Variants in SLC39A11 observed in about 807,000 individuals in gnomAD.
SLC39A11 encodes the protein solute carrier family 39 member 11.
In SLC39A11, 33 loss-of-function variants were observed where a neutral mutation model predicts 36.1. The ratio of observed to expected loss-of-function variants is 0.91; its 90% CI spans 0.69 to 1.22. The LOEUF (loss-of-function observed/expected upper bound fraction) is 1.22, where lower values mean the gene tolerates loss of function less well. Ranked by LOEUF, SLC39A11 falls within the 50% of genes most tolerant of loss-of-function variation. SLC39A11 has a pLI of 0.00. For missense variants in SLC39A11, 432 were observed against 430.3 expected, an observed-to-expected ratio of 1.00 and a Z score of -0.03; for synonymous variants, 166 against 170.3, an observed-to-expected ratio of 0.97 and a Z score of 0.20.
chr17:72,734,324 C>T (rs754684406), intron 7 of SLC39A11, among the ~76,000 whole-genome samples: 9 of 152,200 alleles, frequency 5.9e-5, no homozygotes, highest in South Asian at 2.1e-4. Context: ...GTTCTTCCCT[C>T]GTTCCTTCTC....
At chr17:72,729,013 C>T (rs1239479209) in intron 7 of SLC39A11, among the ~76,000 whole-genome samples, 2 of 152,150 alleles carry the variant, frequency 1.3e-5, no homozygotes, top group African/African-American at 4.8e-5. Flanking sequence ...GCTGCTAAAA[C>T]ACACAGCAGT....
At chr17:72,958,738 C>T (rs1317575627) in intron 4 of SLC39A11, among the ~76,000 whole-genome samples, 4 of 151,984 alleles carry the variant, frequency 2.6e-5, no homozygotes, top group Non-Finnish European at 5.9e-5. Flanking sequence ...GTAACCTCAG[C>T]TACTCGGGAG....
At chr17:72,841,343 C>T (rs1370674169) in intron 6 of SLC39A11, among the ~76,000 whole-genome samples, 2 of 152,298 alleles carry the variant, frequency 1.3e-5, no homozygotes, top group East Asian at 3.9e-4. Context: ...GGTACATACA[C>T]ACAATGGCGT....
chr17:72,882,395 T>C (rs1261211871), intron 5 of SLC39A11, among the ~76,000 whole-genome samples: 2 of 151,104 alleles, frequency 1.3e-5, no homozygotes, highest in Admixed American at 6.6e-5. Context: ...CTTTCAACTT[T>C]CTTTAGGAGA....
intron 7 of SLC39A11, among the ~76,000 whole-genome samples, chr17:72,667,783 A>G (rs1442975095): frequency 6.6e-6 from 1 of 152,252 alleles, no homozygotes; most frequent in African/African-American, 2.4e-5. Flanking sequence ...AATGCTAAGC[A>G]CTGTTCATGC....
At chr17:72,865,331 GA>G (rs1015610127) in intron 5 of SLC39A11, among the ~76,000 whole-genome samples, 23 of 138,404 alleles carry the variant, frequency 1.7e-4, no homozygotes, top group South Asian at 2.5e-4. Context: ...GAAATAGGGG[GA>G]AAAAATTATG....
At chr17:72,834,890 T>C (rs1176695892) in intron 6 of SLC39A11, among the ~76,000 whole-genome samples, 2 of 152,266 alleles carry the variant, frequency 1.3e-5, no homozygotes, top group Non-Finnish European at 2.9e-5. Context: ...TCACTCTGGC[T>C]GTAGCTTCCT....
At chr17:72,722,835 T>C (rs2567479) in intron 7 of SLC39A11, among the ~76,000 whole-genome samples, 128,780 of 151,914 alleles carry the variant, frequency 0.85, 55,098 homozygotes, top group African/African-American at 0.96. Context: ...AGGGTTTTAC[T>C]GTGTTTGCCA....
At chr17:72,714,799 G>A (rs2073276556) in intron 7 of SLC39A11, among the ~76,000 whole-genome samples, 1 of 152,204 alleles carries the variant, frequency 6.6e-6, no homozygotes. Flanking sequence ...TTCACCTCCT[G>A]TGGACTGCCC....
intron 6 of SLC39A11, among the ~76,000 whole-genome samples, chr17:72,743,134 T>C (rs1394174505): frequency 2.6e-5 from 4 of 152,142 alleles, no homozygotes; most frequent in Admixed American, 6.6e-5. Flanking sequence ...TTTGGGAGAT[T>C]GGGGAAGGGA....
At chr17:72,853,203 T>C in intron 5 of SLC39A11, among the ~76,000 whole-genome samples, 1 of 129,160 alleles carries the variant, frequency 7.7e-6, no homozygotes, top group Admixed American at 8.2e-5. Flanking sequence ...TTTTTTTTTT[T>C]TTTCAGTAGA....
intron 5 of SLC39A11, among the ~76,000 whole-genome samples, chr17:72,873,724 T>C (rs1289062444): frequency 6.6e-6 from 1 of 152,194 alleles, no homozygotes; most frequent in Non-Finnish European, 1.5e-5. Flanking sequence ...TGGAATATAT[T>C]CTGCCTTCCT....
intron 7 of SLC39A11, among the ~76,000 whole-genome samples, chr17:72,674,270 C>A (rs4793473): frequency 1.3e-5 from 2 of 151,988 alleles, no homozygotes; most frequent in East Asian, 3.9e-4. Context: ...TATCTCCTTC[C>A]TTTTTACATC....
In SLC39A11 at chr17:72,751,192, G is replaced by A. The variant is rs187434474; in HGVS notation, c.602-14473C>T. 1.6e-4 allele frequency among the ~76,000 whole-genome samples: 25 copies of A among 152,296 alleles called. No individual in the cohort carries two copies. In the East Asian group the frequency reaches 4.8e-3, roughly 29 times the overall value. On this transcript the variant is annotated intron_variant, in intron 6 of 9. Coordinates refer to ENST00000255559, the MANE Select transcript of SLC39A11 (RefSeq NM_139177.4). ...GAGCCCAGAAGGCAGAGGCTGCAGTGAGCCAAGATCACACCACTGTACTCC... is the reference window on the plus strand; with the variant it reads ...GAGCCCAGAAGGCAGAGGCTGCAGTAAGCCAAGATCACACCACTGTACTCC...
At chr17:72,780,551 T>G in intron 6 of SLC39A11, among the ~76,000 whole-genome samples, 1 of 149,480 alleles carries the variant, frequency 6.7e-6, no homozygotes, top group Non-Finnish European at 1.5e-5. Flanking sequence ...ACTGTGTGTC[T>G]GCTTTGTTAT....
rs997850580 is a variant in SLC39A11 at position 72,871,063 on chromosome 17, T to G, written c.431-21259A>C. Among the ~76,000 whole-genome samples the G allele has an allele frequency of 9.5e-4, 144 of 151,270 alleles. 1 individual carries two copies. The highest frequency in any genetic ancestry group is 7.8e-3 in the East Asian group (40 of 5,158). ...TTTGTTTGTTTTGTTTTTGTTTTTT[T>G]TTTTTTTTTGGTTTTTCTGAGACAG... On this transcript the variant is annotated intron_variant, in intron 5 of 9. Coordinates refer to ENST00000255559, the MANE Select transcript of SLC39A11 (RefSeq NM_139177.4).
chr17:72,834,673 T>C (rs2078443326), intron 6 of SLC39A11, among the ~76,000 whole-genome samples: 3 of 141,596 alleles, frequency 2.1e-5, no homozygotes, highest in African/African-American at 8.3e-5. Context: ...AAAGATTGTA[T>C]TAAACCATGT....
Position 72,670,160 on chromosome 17 carries a change from T to C in SLC39A11, c.672-20892A>G, listed in dbSNP as rs28832411. On this transcript the variant is annotated intron_variant, in intron 7 of 9. Transcript: ENST00000255559. ...CGTATACACACACACACATTTTATA[T>C]ACACACACACACACACACACACACA... 1.5e-3 allele frequency among the ~76,000 whole-genome samples: 154 copies of C among 104,586 alleles called. 5 individuals are homozygous for C. Among genetic ancestry groups the C allele is most frequent in the South Asian group, 2.3e-3 (7 of 3,030 alleles). 68.6% of individuals were successfully genotyped at this position (104,586 alleles called of 152,430 possible).
intron 4 of SLC39A11, among the ~76,000 whole-genome samples, chr17:72,959,639 C>A (rs2086486653): frequency 6.6e-6 from 1 of 151,726 alleles, no homozygotes; most frequent in Non-Finnish European, 1.5e-5. Flanking sequence ...GTGATGGGTG[C>A]ACCAAAGTCT....
Sources: gnomAD v4.1 joint callset for allele counts (sites outside exome capture counted in the v4.1 genomes callset) on GRCh38, gnomAD v4.1.1 for gene constraint, MANE v1.5 for transcripts, NCBI Gene and HGNC (gene_info 2026-07-23, HGNC 2026-07-21) for gene names.